The following DNAJA3 variants were observed in gnomAD, a reference collection of about 807,000 sequenced individuals.
The protein encoded by DNAJA3 is dnaJ homolog subfamily A member 3, mitochondrial.
In DNAJA3, 29 loss-of-function variants were observed where a neutral mutation model predicts 54.9. The observed-to-expected ratio is 0.53, with a 90% CI of 0.39 to 0.72. The LOEUF is 0.72. Among genes scored for constraint, DNAJA3 ranks in the 30% least tolerant of loss-of-function variants. The pLI is 0.00. For synonymous variants in DNAJA3, 302 were observed against 251.4 expected, an observed-to-expected ratio of 1.20 and a Z score of -1.90; for missense variants, 708 against 639.4, an observed-to-expected ratio of 1.11 and a Z score of -1.16.
chr16:4,432,242 C>T (rs560369176), intron 1 of DNAJA3, among the ~76,000 whole-genome samples: 11 of 150,738 alleles, frequency 7.3e-5, no homozygotes, highest in African/African-American at 1.2e-4. Context: ...AGGCTGGTTT[C>T]GAACTCCTGG....
At position 4,427,982 on chromosome 16, in the gene DNAJA3, C is replaced by T. The variant is rs545226833; in HGVS notation, c.211+1890C>T. ...TTTTTTTTTTTTTGAGACGGAGTCTCGCTGTGTTGCCCAGGCTGGAGTGCA... is the reference window on the plus strand; with the variant it reads ...TTTTTTTTTTTTTGAGACGGAGTCTTGCTGTGTTGCCCAGGCTGGAGTGCA... On this transcript the variant is annotated intron_variant, in intron 1 of 11. Transcript: ENST00000262375. 8.8e-4 allele frequency among the ~76,000 whole-genome samples: 134 copies of T among 151,478 alleles called. 1 individual carries two copies. Among genetic ancestry groups the T allele is most frequent in the African/African-American group, 2.8e-3 (114 of 41,168 alleles).
intron 1 of DNAJA3, among the ~76,000 whole-genome samples, chr16:4,426,417 C>T (rs998516635): frequency 6.6e-6 from 1 of 152,178 alleles, no homozygotes; most frequent in Non-Finnish European, 1.5e-5. Context: ...TAGCCCGTAG[C>T]GGAAGGGAAG....
intron 1 of DNAJA3, among the ~76,000 whole-genome samples, chr16:4,429,852 C>A (rs2056673564): frequency 6.6e-6 from 1 of 151,750 alleles, no homozygotes; most frequent in African/African-American, 2.4e-5. Context: ...AAAAAATTAG[C>A]CAACTATGGT....
intron 7 of DNAJA3, among the ~76,000 whole-genome samples, chr16:4,445,612 G>T (rs910864988): frequency 1.3e-5 from 2 of 152,164 alleles, no homozygotes; most frequent in African/African-American, 2.4e-5. Flanking sequence ...ATGCAGTGGG[G>T]CAGTCTTGGC....
At chr16:4,441,260 TG>T in intron 3 of DNAJA3, 114 bp from the exon 4 acceptor site, 1 of 958,492 alleles carries the variant, frequency 1.0e-6, no homozygotes, top group Non-Finnish European at 1.6e-6. Flanking sequence ...AGGATGTGTT[TG>T]CACACAGGGC....
intron 10 of DNAJA3, among the ~76,000 whole-genome samples, chr16:4,452,928 A>G (rs2056994081): frequency 6.6e-6 from 1 of 152,216 alleles, no homozygotes; most frequent in Non-Finnish European, 1.5e-5. Flanking sequence ...ACACCGTCAC[A>G]TGTCAGTCTG....
chr16:4,450,255 T>G, intron 9 of DNAJA3, 145 bp from the exon 10 acceptor site: 1 of 601,956 alleles, frequency 1.7e-6, no homozygotes, highest in Admixed American at 2.9e-5. Context: ...CCTTAGGTTC[T>G]CACCGCTGCA....
At chr16:4,442,884 G>A in intron 5 of DNAJA3, 133 bp from the exon 6 acceptor site, 1 of 961,630 alleles carries the variant, frequency 1.0e-6, no homozygotes, top group Non-Finnish European at 1.5e-6. Context: ...GGGTTCCTAG[G>A]CAGTGTGTTT....
chr16:4,453,232 G>A (rs1407968313), intron 10 of DNAJA3, among the ~76,000 whole-genome samples: 1 of 151,842 alleles, frequency 6.6e-6, no homozygotes, highest in East Asian at 1.9e-4. Context: ...CATAGTTTTT[G>A]ATGCGTTTAG....
At chr16:4,443,890 G>C (rs1280472184) in intron 6 of DNAJA3, among the ~76,000 whole-genome samples, 2 of 152,140 alleles carry the variant, frequency 1.3e-5, no homozygotes, top group Non-Finnish European at 2.9e-5. Flanking sequence ...GTTTCATCGT[G>C]TTAGCCAGGA....
rs765447203 is a variant in DNAJA3, at chr16:4,447,009, G to A, written c.1120G>A (p.Val374Met). ...RAQGLYETIN[V>M]TIPPGTQTDQ... ...CCAGGGCCTGTACGAGACGATCAAC[G>A]TGACGGTAAGAGGGTGTGAGAACAC... The change falls in exon 8 of 12, where the codon GTG (valine) becomes ATG (methionine). Residue 374 changes from valine (V) to methionine (M), a missense_variant. Transcript: ENST00000262375. The A allele has an allele frequency of 2.5e-6, 4 of 1,613,496 alleles. No homozygotes were observed. Among genetic ancestry groups the A allele is most frequent in the African/African-American group, 1.3e-5 (1 of 74,904 alleles).
chr16:4,448,214 A>G (rs2056927779), intron 8 of DNAJA3, among the ~76,000 whole-genome samples: 1 of 150,748 alleles, frequency 6.6e-6, no homozygotes, highest in Non-Finnish European at 1.5e-5. Context: ...TTTAGTAGCG[A>G]TGGGGTTTCA....
chr16:4,434,488 C>G lies in DNAJA3; in HGVS notation c.316C>G (p.Gln106Glu), dbSNP rs775505220. Residue 106 changes from glutamine (Q) to glutamate (E), a missense_variant, in exon 2 of 12, where the codon CAG becomes GAG. By Grantham distance (29) the Gln-to-Glu change is conservative (BLOSUM62 2). Transcript: ENST00000262375. ...QILGVPRNAS[Q>E]KEIKKAYYQL... ...ATTAGGAGTGCCTCGAAATGCCAGC[C>G]AGAAAGAGATCAAGAAAGCCTATTA... is the stretch of plus-strand genomic sequence containing the variant. 8 of 1,613,386 alleles carry G rather than the reference C, an allele frequency of 5.0e-6. No individual in the cohort carries two copies. Among genetic ancestry groups the G allele is most frequent in the Non-Finnish European group, 6.8e-6 (8 of 1,179,878 alleles).
Position 4,443,114 on chromosome 16 carries a change from G to A in DNAJA3, c.881G>A (p.Gly294Glu). The change falls in exon 6 of 12, where the codon GGA (glycine) becomes GAA (glutamate). Residue 294 changes from glycine to glutamate, a missense_variant. Coordinates refer to ENST00000262375, the MANE Select transcript of DNAJA3 (RefSeq NM_005147.6). Reference protein sequence around the residue: ...IIISPCVVCRGAGQAKQKKRV... With the variant: ...IIISPCVVCREAGQAKQKKRV... ...ATATCGCCCTGTGTGGTCTGCAGGG[G>A]AGCAGGACAAGCCAAGCAGAAAAAG... 6.2e-7 allele frequency: 1 copy of A among 1,614,058 alleles called. No homozygotes were observed. Among genetic ancestry groups the A allele is most frequent in the Non-Finnish European group, 8.5e-7 (1 of 1,180,022 alleles).
intron 8 of DNAJA3, 37 bp from the exon 9 acceptor site, chr16:4,448,696 G>C (rs770091535): frequency 1.3e-6 from 2 of 1,498,678 alleles, no homozygotes; most frequent in Non-Finnish European, 1.9e-6. Flanking sequence ...TGAGCAACTG[G>C]GGACCAGGGG....
At chr16:4,453,371 G>C (rs572986442) in intron 10 of DNAJA3, among the ~76,000 whole-genome samples, 8 of 152,114 alleles carry the variant, frequency 5.3e-5, no homozygotes, top group East Asian at 3.8e-4. Flanking sequence ...GAGGGAACTG[G>C]GGGGGCTTGC....
intron 7 of DNAJA3, among the ~76,000 whole-genome samples, chr16:4,446,242 ATT>A (rs751454752): frequency 2.6e-4 from 31 of 119,660 alleles, no homozygotes; most frequent in African/African-American, 2.2e-4. Flanking sequence ...ATAAAGTAAG[ATT>A]TTTTTTTTTT....
At position 4,426,455 on chromosome 16, in the gene DNAJA3, G is replaced by T. The variant is rs188169288; in HGVS notation, c.211+363G>T. Among the ~76,000 whole-genome samples, 4 of 152,260 alleles carry T rather than the reference G, an allele frequency of 2.6e-5. No individual in the cohort carries two copies. In the East Asian group the frequency reaches 7.7e-4, roughly 29 times the overall value. ...CTAACTGCCATTCGGAGAGGCCTAGGTACTTTGTTACAACAACCCTGCAAG... is the reference window on the plus strand; with the variant it reads ...CTAACTGCCATTCGGAGAGGCCTAGTTACTTTGTTACAACAACCCTGCAAG... On this transcript the variant is annotated intron_variant, in intron 1 of 11. Transcript: ENST00000262375.
chr16:4,441,895 C>G (rs964485529), intron 4 of DNAJA3, among the ~76,000 whole-genome samples: 1 of 152,042 alleles, frequency 6.6e-6, no homozygotes, highest in African/African-American at 2.4e-5. Flanking sequence ...CACTGCTGAT[C>G]CTCTCTCATT....
Sources: allele counts gnomAD v4.1 joint callset (sites outside exome capture counted in the v4.1 genomes callset), GRCh38; gene constraint gnomAD v4.1.1; transcripts MANE v1.5; gene names NCBI Gene and HGNC (gene_info 2026-07-23, HGNC 2026-07-21).